Variants in FRMPD4 observed in about 807,000 individuals in gnomAD.
The protein encoded by FRMPD4 is FERM and PDZ domain containing 4, also known as FERM and PDZ domain-containing protein 4.
Under a neutral mutation model 94.1 loss-of-function variants are expected in FRMPD4, and 22 were observed. The ratio of observed to expected loss-of-function variants is 0.23; its 90% CI spans 0.17 to 0.33. The LOEUF is 0.33. Ranked by LOEUF, FRMPD4 falls within the 10% of genes least tolerant of loss-of-function variation. The pLI is 1.00. For synonymous variants in FRMPD4, 631 were observed against 548.6 expected (o/e 1.15, Z -2.10); for missense variants, 1,111 against 1,339.9 (o/e 0.83, Z 2.67).
intron 4 of FRMPD4, among the ~76,000 whole-genome samples, chrX:12,622,007 AAAGAAAGAAAGGAAGGAAGG>A (rs2059299213): frequency 6.4e-5 from 3 of 46,521 alleles, no homozygotes; most frequent in Non-Finnish European, 7.4e-5. Context: ...AGAAAGAAAG[AAAGAAAGAAAGGAAGGAAGG>A]AAGGAAGGAA....
intron 1 of FRMPD4, among the ~76,000 whole-genome samples, chrX:12,149,737 A>G (rs2055821350): frequency 8.9e-6 from 1 of 112,571 alleles, no homozygotes; most frequent in Non-Finnish European, 1.9e-5. Context: ...CCAATTTTGA[A>G]AGAAGTTCTG....
chrX:12,519,984 TG>T (rs1486900528), intron 2 of FRMPD4, among the ~76,000 whole-genome samples: 1 of 112,156 alleles, frequency 8.9e-6, no homozygotes, highest in Non-Finnish European at 1.9e-5. Context: ...GAAAACAGTA[TG>T]GCAAGTCCTC....
chrX:11,947,722 C>A (rs958024921), intron 3 of FRMPD4, among the ~76,000 whole-genome samples: 10 of 111,284 alleles, frequency 9.0e-5, no homozygotes, highest in African/African-American at 3.3e-4. Flanking sequence ...ACACGTAAGG[C>A]TCTTAGCATG....
intron 3 of FRMPD4, among the ~76,000 whole-genome samples, chrX:12,057,168 C>T (rs2054859093): frequency 8.9e-6 from 1 of 111,881 alleles, no homozygotes; most frequent in African/African-American, 3.2e-5. Context: ...CAATTAGTTA[C>T]ATTACTGATG....
chrX:12,427,895 C>CTTTT (rs1569272212), intron 1 of FRMPD4, among the ~76,000 whole-genome samples: 24 of 60,794 alleles, frequency 3.9e-4, no homozygotes, highest in South Asian at 1.1e-3. Flanking sequence ...TTCCTTTTTT[C>CTTTT]TCTTTTTTTT....
chrX:11,954,069 T>TA (rs1296985714), intron 3 of FRMPD4, among the ~76,000 whole-genome samples: 3 of 112,340 alleles, frequency 2.7e-5, no homozygotes, highest in Non-Finnish European at 5.6e-5. Context: ...CATTTAAAAA[T>TA]AAAAACCTCT....
chrX:12,600,668 G>A (rs921209529), intron 2 of FRMPD4, among the ~76,000 whole-genome samples: 1 of 111,916 alleles, frequency 8.9e-6, no homozygotes, highest in Admixed American at 9.5e-5. Context: ...ATAGCTGCTC[G>A]ACTTTATTTT....
intron 3 of FRMPD4, among the ~76,000 whole-genome samples, chrX:12,090,138 G>A (rs760993659): frequency 1.3e-4 from 14 of 111,416 alleles, no homozygotes; most frequent in South Asian, 7.8e-4. Flanking sequence ...AATTGTAATC[G>A]CCAAAATTGG....
At position 12,646,220 on chromosome X, in the gene FRMPD4, T is replaced by C. The variant is rs752009954; in HGVS notation, c.423-28643T>C. Among the ~76,000 whole-genome samples the C allele has an allele frequency of 1.5e-4, 17 of 112,010 alleles. No individual in the cohort carries two copies. The East Asian group carries it at 4.5e-3, about 29-fold the overall frequency. On this transcript the variant is annotated intron_variant, in intron 4 of 16. Transcript: ENST00000675598. ...GTAGTAATTGAATAGCTTGTATGAG[T>C]GAAACATTTTTCTTTTTTATATAGC... is the stretch of plus-strand genomic sequence containing the variant.
chrX:12,493,212 A>G (rs776689712), intron 1 of FRMPD4, among the ~76,000 whole-genome samples: 60 of 111,173 alleles, frequency 5.4e-4, no homozygotes, highest in African/African-American at 1.8e-3. Context: ...CTTGAATACC[A>G]TCTGCTTGCA....
intron 4 of FRMPD4, among the ~76,000 whole-genome samples, chrX:12,643,265 G>A (rs1351203263): frequency 1.8e-5 from 2 of 109,865 alleles, no homozygotes; most frequent in African/African-American, 6.6e-5. Flanking sequence ...AGCCTCCTGA[G>A]TAGCTGAGAT....
chrX:11,875,781 C>T (rs1462850500), intron 2 of FRMPD4, among the ~76,000 whole-genome samples: 1 of 110,866 alleles, frequency 9.0e-6, no homozygotes, highest in Non-Finnish European at 1.9e-5. Flanking sequence ...ACTGACCCCC[C>T]TACACTAATC....
chrX:12,289,872 G>A (rs114408369), intron 1 of FRMPD4, among the ~76,000 whole-genome samples: 4,594 of 112,014 alleles, frequency 0.041, 249 homozygotes, highest in African/African-American at 0.14. Context: ...TTTCCTGAGA[G>A]GGGTTTAAAA....
At chrX:12,402,249 A>ACC (rs11297309) in intron 1 of FRMPD4, among the ~76,000 whole-genome samples, 10 of 106,888 alleles carry the variant, frequency 9.4e-5, no homozygotes, top group South Asian at 4.1e-4. Flanking sequence ...CTTCTGCGCC[A>ACC]CCCCCCCCAC....
intron 1 of FRMPD4, among the ~76,000 whole-genome samples, chrX:11,854,188 C>G (rs1213087466): frequency 1.8e-5 from 2 of 111,105 alleles, no homozygotes; most frequent in African/African-American, 3.3e-5. Context: ...AGAACTAACT[C>G]CCTATCATGA....
chrX:12,566,843 ATAT>A (rs1178476845), intron 2 of FRMPD4, among the ~76,000 whole-genome samples: 1 of 111,238 alleles, frequency 9.0e-6, no homozygotes, highest in Admixed American at 9.6e-5. Context: ...GTAGCAAAAA[ATAT>A]TATTTCCCCA....
intron 3 of FRMPD4, among the ~76,000 whole-genome samples, chrX:11,918,133 TC>T (rs1045510208): frequency 3.6e-5 from 4 of 112,592 alleles, no homozygotes; most frequent in African/African-American, 6.5e-5. Flanking sequence ...TCACTTGAAA[TC>T]ACTCCAATGG....
chrX:12,509,738 A>T (rs1420282931), intron 2 of FRMPD4, among the ~76,000 whole-genome samples: 2 of 109,508 alleles, frequency 1.8e-5, no homozygotes, highest in Non-Finnish European at 3.8e-5. Flanking sequence ...CTATGGAAAT[A>T]AAAAAAAAAT....
chrX:12,563,239 T>TACACACACACACACACAC (rs369700317), intron 2 of FRMPD4, among the ~76,000 whole-genome samples: 3 of 97,248 alleles, frequency 3.1e-5, no homozygotes, highest in Non-Finnish European at 6.1e-5. Context: ...TGTAAGTGTG[T>TACACACACACACACACAC]ACACACACAC....
Sources: allele counts gnomAD v4.1 joint callset (sites outside exome capture counted in the v4.1 genomes callset), GRCh38; gene constraint gnomAD v4.1.1; transcripts MANE v1.5; gene names NCBI Gene and HGNC (gene_info 2026-07-23, HGNC 2026-07-21).